The following KHDRBS2 variants were observed in gnomAD, a reference collection of about 807,000 sequenced individuals.
KHDRBS2 encodes KH domain-containing, RNA-binding, signal transduction-associated protein 2.
Under a neutral mutation model 44.3 loss-of-function variants are expected in KHDRBS2, and 26 were observed. The ratio of observed to expected loss-of-function variants is 0.59; its 90% CI spans 0.43 to 0.81. The LOEUF (loss-of-function observed/expected upper bound fraction) is 0.81, where lower values mean the gene tolerates loss of function less well. Ranked by LOEUF, KHDRBS2 falls within the 40% of genes least tolerant of loss-of-function variation. The pLI is 0.00. For missense variants in KHDRBS2, 476 were observed against 433.1 expected, an observed-to-expected ratio of 1.10 and a Z score of -0.88; for synonymous variants, 194 against 151.1, an observed-to-expected ratio of 1.28 and a Z score of -2.08.
At chr6:61,556,020 A>G in the KHDRBS2 span, among the ~76,000 whole-genome samples, 2,435 of 152,300 alleles carry the variant, frequency 0.016, 66 homozygotes, top group African/African-American at 0.057. Context: ...CAGTGGCAGC[A>G]TTACAGGATG....
At chr6:62,027,645 A>C (rs1359804886) in intron 3 of KHDRBS2, among the ~76,000 whole-genome samples, 3 of 152,088 alleles carry the variant, frequency 2.0e-5, no homozygotes. Flanking sequence ...CAAGGGTTTA[A>C]AGAATGACTT....
chr6:61,620,780 A>T, the KHDRBS2 span, among the ~76,000 whole-genome samples: 1 of 152,068 alleles, frequency 6.6e-6, no homozygotes, highest in Admixed American at 6.6e-5. Context: ...TAGCTGGGCT[A>T]CTCCTGCCCA....
intron 2 of KHDRBS2, among the ~76,000 whole-genome samples, chr6:62,114,389 C>T (rs1805718884): frequency 6.6e-6 from 1 of 152,132 alleles, no homozygotes; most frequent in Admixed American, 6.6e-5. Context: ...TTTTAAGGAA[C>T]TGCTTCTGAA....
chr6:61,653,852 T>C, the KHDRBS2 span, among the ~76,000 whole-genome samples: 7 of 151,532 alleles, frequency 4.6e-5, no homozygotes, highest in African/African-American at 1.5e-4. Flanking sequence ...AGAAAAATGG[T>C]GAAAAAATTT....
chr6:62,007,243 C>T (rs1032043527), intron 3 of KHDRBS2, among the ~76,000 whole-genome samples: 1 of 152,058 alleles, frequency 6.6e-6, no homozygotes, highest in Non-Finnish European at 1.5e-5. Context: ...CCATCTTCTG[C>T]TTAACCTTTA....
chr6:62,000,533 T>C (rs1216513964), intron 3 of KHDRBS2, among the ~76,000 whole-genome samples: 1 of 152,148 alleles, frequency 6.6e-6, no homozygotes, highest in Non-Finnish European at 1.5e-5. Flanking sequence ...GAAAAAAATA[T>C]CAAATTAAGC....
chr6:62,065,733 T>A lies in KHDRBS2; in HGVS notation c.220-17739A>T, dbSNP rs1254858752. 8.7e-5 allele frequency among the ~76,000 whole-genome samples: 13 copies of A among 149,826 alleles called. 2 individuals are homozygous for A. Among genetic ancestry groups the A allele is most frequent in the Admixed American group, 8.0e-4 (12 of 15,030 alleles). ...CACCAGCATGGCACATGTATACATA[T>A]GTAACTAACCTGCACAATGTGCACA... On this transcript the variant is annotated intron_variant, in intron 2 of 8. Coordinates refer to ENST00000281156, the MANE Select transcript of KHDRBS2 (RefSeq NM_152688.4).
chr6:62,074,367 T>C (rs1368873070), intron 2 of KHDRBS2, among the ~76,000 whole-genome samples: 1 of 151,866 alleles, frequency 6.6e-6, no homozygotes, highest in Non-Finnish European at 1.5e-5. Context: ...AAGTTTCCCT[T>C]TAAAAACTCT....
Position 62,286,074 on chromosome 6 carries a change from G to A in KHDRBS2, c.-126C>T, listed in dbSNP as rs1022247458. 7 of 683,668 alleles carry A rather than the reference G, an allele frequency of 1.0e-5. No homozygotes were observed. In the Admixed American group the frequency reaches 1.3e-4, roughly 13 times the overall value. 42.4% of individuals were successfully genotyped at this position (683,668 alleles called of 1,614,324 possible). ...TCCGCGCGGCGAGGGATCTCTGTGC[G>A]TCCTCACTGGCCCATGCACCCAGCA... On this transcript the variant is annotated 5_prime_UTR_variant, in exon 1 of 9. The change creates a new upstream start codon in the 5' untranslated region. Transcript: ENST00000281156.
At chr6:62,093,463 A>C (rs1343587269) in intron 2 of KHDRBS2, among the ~76,000 whole-genome samples, 1 of 151,938 alleles carries the variant, frequency 6.6e-6, no homozygotes, top group African/African-American at 2.4e-5. Flanking sequence ...CCATCACCTT[A>C]AACATTTATC....
At chr6:61,820,193 A>G (rs750457562) in intron 6 of KHDRBS2, among the ~76,000 whole-genome samples, 1 of 152,034 alleles carries the variant, frequency 6.6e-6, no homozygotes, top group South Asian at 2.1e-4. Context: ...AACTTTTTCA[A>G]ATTACCATGG....
chr6:61,673,184 C>T, the KHDRBS2 span, among the ~76,000 whole-genome samples: 3 of 152,082 alleles, frequency 2.0e-5, no homozygotes, highest in Admixed American at 6.6e-5. Flanking sequence ...TCTGAGGGCT[C>T]TGTTCTGTTC....
At chr6:62,130,412 T>C (rs911060352) in intron 2 of KHDRBS2, among the ~76,000 whole-genome samples, 8 of 152,200 alleles carry the variant, frequency 5.3e-5, no homozygotes, top group Admixed American at 4.6e-4. Flanking sequence ...GTTAAGTTAC[T>C]TAAATTCTTG....
chr6:61,653,746 A>G, the KHDRBS2 span, among the ~76,000 whole-genome samples: 13 of 152,096 alleles, frequency 8.5e-5, no homozygotes, highest in Non-Finnish European at 1.6e-4. Flanking sequence ...TACTGCAAGG[A>G]TAGTTACTTG....
At chr6:61,750,563 A>T (rs956334285) in intron 6 of KHDRBS2, among the ~76,000 whole-genome samples, 1 of 152,096 alleles carries the variant, frequency 6.6e-6, no homozygotes, top group African/African-American at 2.4e-5. Context: ...CTGCTAACCC[A>T]CCAATGGTGC....
intron 3 of KHDRBS2, among the ~76,000 whole-genome samples, chr6:62,039,070 T>C (rs1031417849): frequency 7.9e-5 from 12 of 152,148 alleles, no homozygotes; most frequent in Admixed American, 2.6e-4. Context: ...AAAGCAAAGA[T>C]AGAATCCAGT....
intron 1 of KHDRBS2, among the ~76,000 whole-genome samples, chr6:62,239,045 C>G (rs1834160917): frequency 6.6e-6 from 1 of 152,174 alleles, no homozygotes; most frequent in Non-Finnish European, 1.5e-5. Flanking sequence ...AGAGACATGA[C>G]AACCCAATGT....
chr6:61,720,050 T>A (rs1052263737), intron 7 of KHDRBS2, among the ~76,000 whole-genome samples: 2 of 152,136 alleles, frequency 1.3e-5, no homozygotes, highest in African/African-American at 4.8e-5. Context: ...GTTCTTGCGA[T>A]AGTTTACTGA....
At chr6:61,792,752 T>A (rs1784805458) in intron 6 of KHDRBS2, among the ~76,000 whole-genome samples, 1 of 151,928 alleles carries the variant, frequency 6.6e-6, no homozygotes, top group Non-Finnish European at 1.5e-5. Context: ...TACATTAATT[T>A]AATATAGTAT....
Sources: allele counts gnomAD v4.1 joint callset (sites outside exome capture counted in the v4.1 genomes callset), GRCh38; gene constraint gnomAD v4.1.1; transcripts MANE v1.5; gene names NCBI Gene and HGNC (gene_info 2026-07-23, HGNC 2026-07-21).